The following ACTR2 variants were observed in gnomAD, a reference collection of about 807,000 sequenced individuals.
The protein encoded by ACTR2 is actin related protein 2.
ACTR2 carries 5 observed loss-of-function variants against 50.2 expected under a neutral mutation model. The observed-to-expected ratio is 0.10, with a 90% CI of 0.05 to 0.21. The LOEUF (loss-of-function observed/expected upper bound fraction) is 0.21, where lower values mean the gene tolerates loss of function less well. Among genes scored for constraint, ACTR2 ranks in the 10% least tolerant of loss-of-function variants. The probability of loss-of-function intolerance (pLI) is 1.00; values close to 1 mark genes in which losing one functional copy is unlikely to be tolerated. For synonymous variants in ACTR2, 140 were observed against 162.9 expected, an observed-to-expected ratio of 0.86 and a Z score of 1.07; for missense variants, 180 against 480.6, an observed-to-expected ratio of 0.37 and a Z score of 5.85.
chr2:65,235,406 G>A (rs1264031469), intron 1 of ACTR2, among the ~76,000 whole-genome samples: 1 of 152,170 alleles, frequency 6.6e-6, no homozygotes, highest in African/African-American at 2.4e-5. Flanking sequence ...GGAAATAGCT[G>A]TGAGCAAGTG....
At chr2:65,250,882 G>A (rs1181721438) in intron 3 of ACTR2, 145 bp from the exon 4 acceptor site, 8 of 493,822 alleles carry the variant, frequency 1.6e-5, no homozygotes, top group African/African-American at 1.6e-4. Flanking sequence ...TAAGAAATAA[G>A]AGGAGCTGAT....
intron 7 of ACTR2, among the ~76,000 whole-genome samples, chr2:65,262,519 TTC>T (rs1222117533): frequency 6.7e-6 from 1 of 149,788 alleles, no homozygotes; most frequent in Non-Finnish European, 1.5e-5. Context: ...TGAGAGAAAC[TTC>T]TTAGTTTGAT....
At chr2:65,253,098 A>T (rs1436832252) in intron 4 of ACTR2, among the ~76,000 whole-genome samples, 3 of 152,192 alleles carry the variant, frequency 2.0e-5, no homozygotes, top group Non-Finnish European at 4.4e-5. Flanking sequence ...TTTGTAGTAT[A>T]TTCAAAACTA....
intron 1 of ACTR2, among the ~76,000 whole-genome samples, chr2:65,231,432 C>T (rs1402616835): frequency 6.6e-6 from 1 of 152,072 alleles, no homozygotes; most frequent in African/African-American, 2.4e-5. Flanking sequence ...ATAATGATTC[C>T]TTTATAATTA....
chr2:65,241,450 A>G (rs1042298075), intron 2 of ACTR2, among the ~76,000 whole-genome samples: 1 of 152,132 alleles, frequency 6.6e-6, no homozygotes, highest in African/African-American at 2.4e-5. Context: ...CTAATAAAAC[A>G]TTTTTGCCAA....
intron 1 of ACTR2, among the ~76,000 whole-genome samples, chr2:65,236,575 T>G (rs890694592): frequency 5.3e-5 from 8 of 151,670 alleles, no homozygotes; most frequent in South Asian, 2.1e-4. Context: ...TTTTGGGTTT[T>G]GTTTTGTTTT....
chr2:65,237,667 A>G, intron 1 of ACTR2, among the ~76,000 whole-genome samples: 1 of 152,162 alleles, frequency 6.6e-6, no homozygotes, highest in Non-Finnish European at 1.5e-5. Flanking sequence ...CCCGTGCAAC[A>G]TAGTGAGACC....
At chr2:65,258,705 C>T (rs767762488) in intron 6 of ACTR2, among the ~76,000 whole-genome samples, 7 of 152,042 alleles carry the variant, frequency 4.6e-5, no homozygotes, top group Non-Finnish European at 8.8e-5. Flanking sequence ...TGGACAAATA[C>T]AGAACAGGAT....
At chr2:65,242,147 T>C (rs532540976) in intron 2 of ACTR2, 14 of 962,886 alleles carry the variant, frequency 1.5e-5, no homozygotes, top group Non-Finnish European at 2.2e-5. Context: ...CCCTTTAGTA[T>C]TGGGGAGGGG....
intron 2 of ACTR2, among the ~76,000 whole-genome samples, chr2:65,244,115 T>C (rs1357253622): frequency 2.6e-5 from 4 of 152,190 alleles, no homozygotes. Context: ...GTTAATCCTT[T>C]ATAGTATGTG....
At chr2:65,239,420 C>T (rs569513174) in intron 1 of ACTR2, among the ~76,000 whole-genome samples, 7 of 152,380 alleles carry the variant, frequency 4.6e-5, no homozygotes, top group African/African-American at 1.2e-4. Context: ...TGCCATTGCA[C>T]TTCTGCCTGG....
chr2:65,255,906 A>G (rs976305021), intron 6 of ACTR2, among the ~76,000 whole-genome samples: 2 of 152,216 alleles, frequency 1.3e-5, no homozygotes, highest in African/African-American at 2.4e-5. Flanking sequence ...AGAATCATAA[A>G]TTACTCTCTA....
At chr2:65,259,324 A>T (rs1672217298) in intron 6 of ACTR2, among the ~76,000 whole-genome samples, 1 of 152,082 alleles carries the variant, frequency 6.6e-6, no homozygotes. Context: ...TGGGAGGCTG[A>T]GGTGGGAGAA....
At chr2:65,233,083 C>G (rs1224682395) in intron 1 of ACTR2, among the ~76,000 whole-genome samples, 1 of 151,442 alleles carries the variant, frequency 6.6e-6, no homozygotes. Context: ...CAGCCTCCAT[C>G]TCCCGGGTTC....
At chr2:65,232,735 T>G (rs1273078038) in intron 1 of ACTR2, among the ~76,000 whole-genome samples, 1 of 152,234 alleles carries the variant, frequency 6.6e-6, no homozygotes, top group Non-Finnish European at 1.5e-5. Context: ...AAGAACATTA[T>G]ACTGTTCATA....
chr2:65,252,518 G>C (rs1039778050), intron 4 of ACTR2, among the ~76,000 whole-genome samples: 1 of 152,038 alleles, frequency 6.6e-6, no homozygotes, highest in Non-Finnish European at 1.5e-5. Flanking sequence ...GGTGGCATGT[G>C]CCTGTAATCC....
intron 1 of ACTR2, among the ~76,000 whole-genome samples, chr2:65,233,559 C>T (rs1671678985): frequency 6.6e-6 from 1 of 151,668 alleles, no homozygotes; most frequent in Admixed American, 6.6e-5. Context: ...AGCAGGACTA[C>T]CCCATAGGCA....
At chr2:65,252,506 A>G (rs1051077065) in intron 4 of ACTR2, among the ~76,000 whole-genome samples, 4 of 151,882 alleles carry the variant, frequency 2.6e-5, no homozygotes, top group Admixed American at 1.3e-4. Context: ...TTAGCTGGGC[A>G]TGGTGGCATG....
At chr2:65,240,011 C>T (rs1181220389) in intron 2 of ACTR2, 49 bp downstream of exon 2, 1 of 1,270,588 alleles carries the variant, frequency 7.9e-7, no homozygotes, top group Admixed American at 1.9e-5. Flanking sequence ...GTGAGGTGTT[C>T]TTATAAAAGT....
Sources: allele counts gnomAD v4.1 joint callset (sites outside exome capture counted in the v4.1 genomes callset), GRCh38; gene constraint gnomAD v4.1.1; transcripts MANE v1.5; gene names NCBI Gene and HGNC (gene_info 2026-07-23, HGNC 2026-07-21).